Variants in KANSL1L observed in about 807,000 individuals in gnomAD.
KANSL1L encodes KAT8 regulatory NSL complex subunit 1-like protein.
KANSL1L carries 25 observed loss-of-function variants against 108.6 expected under a neutral mutation model. That is an observed-to-expected ratio of 0.23 (90% CI 0.17 to 0.32). The LOEUF is 0.32. KANSL1L is among the 10% of genes least tolerant of loss of function. The pLI is 1.00. For missense variants in KANSL1L, 1,137 were observed against 1,125.7 expected, an observed-to-expected ratio of 1.01 and a Z score of -0.14; for synonymous variants, 405 against 395.1, an observed-to-expected ratio of 1.03 and a Z score of -0.30.
At chr2:210,029,248 A>C (rs1486956573) in intron 10 of KANSL1L, 2 of 294,874 alleles carry the variant, frequency 6.8e-6, no homozygotes, top group Non-Finnish European at 1.2e-5. Flanking sequence ...CTTAAATGCA[A>C]AACTCTTTAT....
intron 2 of KANSL1L, among the ~76,000 whole-genome samples, chr2:210,130,827 C>T (rs1460693825): frequency 6.5e-5 from 9 of 137,806 alleles, no homozygotes; most frequent in Non-Finnish European, 4.6e-5. Flanking sequence ...GTGGAAACTA[C>T]TGGCAAGGTG....
At chr2:210,098,062 C>A in intron 5 of KANSL1L, 24 bp downstream of exon 5, 3 of 1,554,334 alleles carry the variant, frequency 1.9e-6, no homozygotes, top group East Asian at 2.3e-5. Flanking sequence ...AATTTAAAAG[C>A]TAAGCTATTC....
At chr2:210,117,625 T>G (rs936782780) in intron 3 of KANSL1L, among the ~76,000 whole-genome samples, 1 of 152,062 alleles carries the variant, frequency 6.6e-6, no homozygotes, top group East Asian at 1.9e-4. Flanking sequence ...AAAACTTTTA[T>G]CCTAGAATAG....
At chr2:210,144,563 T>A (rs1194108918) in intron 2 of KANSL1L, among the ~76,000 whole-genome samples, 5 of 152,190 alleles carry the variant, frequency 3.3e-5, no homozygotes, top group Admixed American at 1.3e-4. Context: ...CACAGATTCT[T>A]TCTTCTGTTT....
chr2:210,110,068 C>T (rs2125456646), intron 3 of KANSL1L, among the ~76,000 whole-genome samples: 1 of 152,232 alleles, frequency 6.6e-6, no homozygotes, highest in South Asian at 2.1e-4. Flanking sequence ...CAGGCAGTTC[C>T]ATGTACTGAC....
At chr2:210,049,845 ACAG>A (rs2094269885) in intron 6 of KANSL1L, among the ~76,000 whole-genome samples, 1 of 152,238 alleles carries the variant, frequency 6.6e-6, no homozygotes, top group African/African-American at 2.4e-5. Context: ...ATGAAGGAGA[ACAG>A]CTATAGGACT....
At chr2:210,157,050 A>G in intron 1 of KANSL1L, among the ~76,000 whole-genome samples, 1 of 152,138 alleles carries the variant, frequency 6.6e-6, no homozygotes, top group East Asian at 1.9e-4. Flanking sequence ...AAATAGAAAA[A>G]CAATTCTAAA....
intron 6 of KANSL1L, among the ~76,000 whole-genome samples, chr2:210,057,848 TCTTTA>T (rs1354455689): frequency 6.6e-6 from 1 of 152,224 alleles, no homozygotes; most frequent in Non-Finnish European, 1.5e-5. Context: ...CCTATGCTTG[TCTTTA>T]CTTTAATCTC....
intron 8 of KANSL1L, 98 bp from the exon 9 acceptor site, chr2:210,031,644 A>T: frequency 1.4e-6 from 1 of 711,076 alleles, no homozygotes; most frequent in Non-Finnish European, 2.2e-6. Context: ...ATTTTAAGAT[A>T]CCAGTTCAAA....
intron 3 of KANSL1L, among the ~76,000 whole-genome samples, chr2:210,112,331 TACA>T (rs1215429174): frequency 6.6e-6 from 1 of 152,092 alleles, no homozygotes; most frequent in Non-Finnish European, 1.5e-5. Context: ...TTACACCTTA[TACA>T]ACAAGAACAT....
At chr2:210,166,220 A>G (rs1462990375) in intron 1 of KANSL1L, among the ~76,000 whole-genome samples, 1 of 152,142 alleles carries the variant, frequency 6.6e-6, no homozygotes, top group Non-Finnish European at 1.5e-5. Context: ...TGAATTTAGC[A>G]TTAATTAAAT....
chr2:210,034,641 C>T (rs1417709415), intron 8 of KANSL1L, among the ~76,000 whole-genome samples: 2 of 152,184 alleles, frequency 1.3e-5, no homozygotes, highest in Non-Finnish European at 2.9e-5. Flanking sequence ...AAGTCTATTT[C>T]AGCAGTATAG....
At chr2:210,068,713 G>GC (rs1227431268) in intron 6 of KANSL1L, among the ~76,000 whole-genome samples, 2 of 152,094 alleles carry the variant, frequency 1.3e-5, no homozygotes, top group Middle Eastern at 3.4e-3. Context: ...TCTCGTCTTT[G>GC]CCCCTTTTGG....
rs375157957 is a variant in KANSL1L, at chr2:210,023,111, A to G, written c.2802T>C (p.Asp934=). The G allele has an allele frequency of 1.2e-5, 20 of 1,613,794 alleles. No homozygotes were observed. The highest frequency in any genetic ancestry group is 1.6e-5 in the Non-Finnish European group (19 of 1,179,882). Residue 934 remains aspartate (D), a synonymous_variant, in exon 15 of 15, where the codon GAT becomes GAC. Coordinates refer to ENST00000281772, the MANE Select transcript of KANSL1L (RefSeq NM_152519.4). ...GEDMAALLCQ[D]EKKDQVERSS... ...ACCTTTCAACCTGATCCTTTTTTTC[A>G]TCTTGACATAATAAGGCTGCCATGT...
At chr2:210,025,772 T>C (rs1575348617) in intron 12 of KANSL1L, among the ~76,000 whole-genome samples, 1 of 152,284 alleles carries the variant, frequency 6.6e-6, no homozygotes, top group East Asian at 1.9e-4. Flanking sequence ...GTGAGTGCAG[T>C]GGTGCAGTCA....
chr2:210,107,101 A>T (rs976098093), intron 3 of KANSL1L, among the ~76,000 whole-genome samples: 1 of 152,196 alleles, frequency 6.6e-6, no homozygotes, highest in Admixed American at 6.5e-5. Context: ...ATGAAAGCAA[A>T]TCAACTGTTT....
chr2:210,168,076 T>C (rs1352530119), intron 1 of KANSL1L, among the ~76,000 whole-genome samples: 1 of 152,114 alleles, frequency 6.6e-6, no homozygotes, highest in Non-Finnish European at 1.5e-5. Context: ...AGGGTCATCA[T>C]GATGTAAATT....
Position 210,084,359 on chromosome 2 carries a change from T to G in KANSL1L, c.1551-8603A>C, listed in dbSNP as rs374453010. 4.6e-5 allele frequency among the ~76,000 whole-genome samples: 7 copies of G among 151,822 alleles called. No individual in the cohort carries two copies. The South Asian group carries it at 8.3e-4, about 18-fold the overall frequency. ...ATCGCTTGAACCCAGGAAATGGAGG[T>G]TGCAGTGAGCCGAGATCGCACCACT... is the stretch of plus-strand genomic sequence containing the variant. On this transcript the variant is annotated intron_variant, in intron 5 of 14. Coordinates refer to ENST00000281772, the MANE Select transcript of KANSL1L (RefSeq NM_152519.4).
chr2:210,152,045 A>G (rs528794281), intron 2 of KANSL1L: 1 of 152,112 alleles, frequency 6.6e-6, no homozygotes, highest in Non-Finnish European at 1.5e-5. Context: ...TGTGTCATGC[A>G]GGTTTGTTAT....
Sources: gnomAD v4.1 joint callset for allele counts (sites outside exome capture counted in the v4.1 genomes callset) on GRCh38, gnomAD v4.1.1 for gene constraint, MANE v1.5 for transcripts, NCBI Gene and HGNC (gene_info 2026-07-23, HGNC 2026-07-21) for gene names.